Variants in PRKCH observed in about 807,000 individuals in gnomAD.
The protein encoded by PRKCH is protein kinase C eta type.
In PRKCH, 28 loss-of-function variants were observed where a neutral mutation model predicts 82.5. The ratio of observed to expected loss-of-function variants is 0.34; its 90% CI spans 0.25 to 0.47. PRKCH has a LOEUF of 0.47. Among genes scored for constraint, PRKCH ranks in the 20% least tolerant of loss-of-function variants. PRKCH has a pLI of 1.00. For synonymous variants in PRKCH, 322 were observed against 327.4 expected, an observed-to-expected ratio of 0.98 and a Z score of 0.18; for missense variants, 705 against 881.8, an observed-to-expected ratio of 0.80 and a Z score of 2.54.
intron 1 of PRKCH, chr14:61,281,079 G>C: frequency 6.6e-7 from 1 of 1,517,294 alleles, no homozygotes; most frequent in Non-Finnish European, 8.8e-7. Flanking sequence ...GCCAGGCGGG[G>C]AGGCGCTGCT....
At position 61,548,444 on chromosome 14, in the gene PRKCH, C is replaced by G. The variant is rs531405918; in HGVS notation, c.1905+558C>G. On this transcript the variant is annotated intron_variant, in intron 13 of 13. Transcript: ENST00000332981. The stretch of plus-strand genomic sequence containing the variant: ...AGGGGCTCCTCTCCAAGCTCTGCAG[C>G]TGAGGCTGGTGGCCTTCCTGAGCGT... Among the ~76,000 whole-genome samples the G allele has an allele frequency of 5.3e-5, 8 of 152,340 alleles. No individual in the cohort carries two copies. The East Asian group carries it at 1.4e-3, about 26-fold the overall frequency.
intron 2 of PRKCH, among the ~76,000 whole-genome samples, chr14:61,436,451 G>T (rs1883683083): frequency 9.9e-5 from 1 of 10,132 alleles, no homozygotes. Context: ...AAATAACTAT[G>T]AGTACATAGT....
chr14:61,434,730 T>C (rs1411034179), intron 2 of PRKCH, among the ~76,000 whole-genome samples: 3 of 152,142 alleles, frequency 2.0e-5, no homozygotes, highest in East Asian at 3.9e-4. Context: ...ACAGAAAGCA[T>C]ATATGGCATA....
intron 9 of PRKCH, among the ~76,000 whole-genome samples, chr14:61,466,065 G>C (rs1885242031): frequency 1.3e-5 from 2 of 152,158 alleles, no homozygotes; most frequent in Admixed American, 6.5e-5. Flanking sequence ...ATCCAAGTCA[G>C]GTTCTGCCCA....
At position 61,513,076 on chromosome 14, in the gene PRKCH, G is replaced by A. The variant is rs530974522; in HGVS notation, c.1434-15999G>A. Among the ~76,000 whole-genome samples, 5 of 152,232 alleles carry A rather than the reference G, an allele frequency of 3.3e-5. No homozygotes were observed. In the South Asian group the frequency reaches 1.0e-3, roughly 32 times the overall value. On this transcript the variant is annotated intron_variant, in intron 10 of 13. Transcript: ENST00000332981. The stretch of plus-strand genomic sequence containing the variant: ...AGGATCAGACTGAGAGCTGGAAAAG[G>A]AACAGCGCAATGGGATTGGTAGCAT...
At chr14:61,191,006 A>G (rs1269065189) in intron 1 of PRKCH, among the ~76,000 whole-genome samples, 1 of 152,242 alleles carries the variant, frequency 6.6e-6, no homozygotes, top group Non-Finnish European at 1.5e-5. Flanking sequence ...CAAATGCAAT[A>G]ATAGCTTTCA....
intron 1 of PRKCH, among the ~76,000 whole-genome samples, chr14:61,257,135 TGCATGGG>T (rs2045004605): frequency 1.3e-5 from 2 of 152,232 alleles, no homozygotes; most frequent in South Asian, 4.1e-4. Flanking sequence ...CACTACTCTC[TGCATGGG>T]GCATGAAATG....
intron 2 of PRKCH, among the ~76,000 whole-genome samples, chr14:61,416,550 TATCTCCC>T (rs1882568528): frequency 6.6e-6 from 1 of 152,160 alleles, no homozygotes; most frequent in Admixed American, 6.5e-5. Flanking sequence ...CCTTGGCATA[TATCTCCC>T]AGCTTGGCTC....
chr14:61,449,221 G>T lies in PRKCH; in HGVS notation c.671G>T (p.Cys224Phe). 1 of 1,613,896 alleles carries T rather than the reference G, an allele frequency of 6.2e-7. No individual in the cohort carries two copies. The highest frequency in any genetic ancestry group is 8.5e-7 in the Non-Finnish European group (1 of 1,179,848). Residue 224 changes from cysteine to phenylalanine, a missense_variant, in exon 5 of 14, where the codon TGC becomes TTC. This residue lies in a region of PRKCH where 246 missense variants were observed against 308.0 expected (regional missense o/e 0.80). Transcript: ENST00000332981. ...CATCTAATTGTTACAGCCTGTACTT[G>T]CCAAAACAATATTAACAAAGTGGAT... ...CHHLIVTACTCQNNINKVDSK... is the reference protein window; with the variant it reads ...CHHLIVTACTFQNNINKVDSK...
intron 1 of PRKCH, among the ~76,000 whole-genome samples, chr14:61,258,463 T>C (rs1420176215): frequency 3.3e-5 from 5 of 152,196 alleles, no homozygotes; most frequent in African/African-American, 1.2e-4. Context: ...CTTAACATGA[T>C]GTAGGGTATA....
At chr14:61,261,984 G>A (rs2045049053) in intron 1 of PRKCH, among the ~76,000 whole-genome samples, 1 of 151,978 alleles carries the variant, frequency 6.6e-6, no homozygotes, top group South Asian at 2.1e-4. Flanking sequence ...CACTTTGGGA[G>A]GCCGAGGCGG....
At chr14:61,523,626 T>G (rs2042931750) in intron 10 of PRKCH, among the ~76,000 whole-genome samples, 1 of 152,246 alleles carries the variant, frequency 6.6e-6, no homozygotes, top group Admixed American at 6.5e-5. Flanking sequence ...TCAGTATATG[T>G]TAACCACTGA....
intron 1 of PRKCH, among the ~76,000 whole-genome samples, chr14:61,361,540 A>G (rs1220041351): frequency 6.6e-6 from 1 of 152,192 alleles, no homozygotes; most frequent in Non-Finnish European, 1.5e-5. Context: ...CTCTCTGTTT[A>G]GTTACAATAA....
intron 1 of PRKCH, among the ~76,000 whole-genome samples, chr14:61,251,306 C>A (rs192811363): frequency 2.0e-5 from 3 of 152,192 alleles, no homozygotes; most frequent in Admixed American, 2.0e-4. Flanking sequence ...CTTATTCGTT[C>A]TTTCTAATTA....
intron 1 of PRKCH, among the ~76,000 whole-genome samples, chr14:61,227,775 G>A (rs2044709054): frequency 6.6e-6 from 1 of 152,064 alleles, no homozygotes; most frequent in Non-Finnish European, 1.5e-5. Context: ...CTAATAGTAA[G>A]TGCTTGATAA....
intron 12 of PRKCH, among the ~76,000 whole-genome samples, chr14:61,535,314 G>A (rs982750711): frequency 9.2e-5 from 14 of 152,182 alleles, no homozygotes; most frequent in Middle Eastern, 3.4e-3. Context: ...AAATTTTAAA[G>A]AGAAATTAAA....
chr14:61,485,776 A>T (rs1344475601), intron 10 of PRKCH, 120 bp downstream of exon 10: 2 of 1,365,966 alleles, frequency 1.5e-6, no homozygotes, highest in African/African-American at 2.9e-5. Flanking sequence ...AATTCACAGA[A>T]GTTTTGTTTT....
chr14:61,376,017 CAA>C (rs61102403), intron 1 of PRKCH, among the ~76,000 whole-genome samples: 49 of 62,252 alleles, frequency 7.9e-4, no homozygotes, highest in Admixed American at 7.0e-4. Flanking sequence ...AATTCTGTCT[CAA>C]AAAAAAAAAA....
chr14:61,268,838 G>A (rs970492343), intron 1 of PRKCH, among the ~76,000 whole-genome samples: 1 of 152,152 alleles, frequency 6.6e-6, no homozygotes, highest in Non-Finnish European at 1.5e-5. Flanking sequence ...TTTTGCTTCT[G>A]GAAAGACTCT....
Sources: allele counts gnomAD v4.1 joint callset (sites outside exome capture counted in the v4.1 genomes callset), GRCh38; gene constraint gnomAD v4.1.1; regional missense constraint gnomAD v4.1.1; transcripts MANE v1.5; gene names NCBI Gene and HGNC (gene_info 2026-07-23, HGNC 2026-07-21).